CACNB2: variants seen among roughly 807,000 people sequenced by gnomAD.
CACNB2 encodes calcium voltage-gated channel auxiliary subunit beta 2.
Under a neutral mutation model 73.3 loss-of-function variants are expected in CACNB2, and 42 were observed. The observed-to-expected ratio is 0.57, with a 90% CI of 0.45 to 0.74. The LOEUF is 0.74. Ranked by LOEUF, CACNB2 falls within the 30% of genes least tolerant of loss-of-function variation. The pLI, the probability that CACNB2 is intolerant of heterozygous loss-of-function variation, is 0.00. For missense variants in CACNB2, 940 were observed against 853.0 expected (o/e 1.10, Z -1.27); for synonymous variants, 348 against 310.3 (o/e 1.12, Z -1.28).
chr10:18,143,693 G>A (rs2030671940), intron 1 of CACNB2, among the ~76,000 whole-genome samples: 1 of 152,180 alleles, frequency 6.6e-6, no homozygotes, highest in Non-Finnish European at 1.5e-5. Flanking sequence ...TGTTTGGGCA[G>A]AACAGACCAG....
chr10:18,201,467 GT>G (rs1564339412), intron 2 of CACNB2, among the ~76,000 whole-genome samples: 1 of 152,056 alleles, frequency 6.6e-6, no homozygotes, highest in Non-Finnish European at 1.5e-5. Context: ...TAGAGATGGG[GT>G]TTCACCATGT....
In CACNB2 at chr10:18,386,399, A is replaced by ATTTTTTTT. The variant is rs10637329; in HGVS notation, c.214-15511_214-15504dup. ...CTTTACTGTTGCTCTTTTATTTATG[A>ATTTTTTTT]TTTTTTTTTTTTTTTTTTTTTGAGA... On this transcript the variant is annotated intron_variant, in intron 2 of 13. Coordinates refer to ENST00000324631, the MANE Select transcript of CACNB2 (RefSeq NM_201596.3). 2.2e-4 allele frequency among the ~76,000 whole-genome samples: 23 copies of ATTTTTTTT among 106,518 alleles called. 1 individual carries two copies. The highest frequency in any genetic ancestry group is 3.0e-4 in the East Asian group (1 of 3,346). 69.9% of individuals were successfully genotyped at this position (106,518 alleles called of 152,430 possible). A position where few individuals can be genotyped will look rare whatever the true frequency, so the allele number is the denominator to read the frequency against.
chr10:18,367,683 T>G (rs186187888), intron 2 of CACNB2, among the ~76,000 whole-genome samples: 1 of 152,294 alleles, frequency 6.6e-6, no homozygotes, highest in Admixed American at 6.5e-5. Context: ...TCAATACACA[T>G]AGCAAAACAG....
intron 2 of CACNB2, among the ~76,000 whole-genome samples, chr10:18,176,842 C>T (rs2033620046): frequency 6.6e-6 from 1 of 151,746 alleles, no homozygotes; most frequent in Non-Finnish European, 1.5e-5. Context: ...GATAGTAGTT[C>T]ACTGCAGTTC....
At position 18,511,889 on chromosome 10, in the gene CACNB2, C is replaced by T. The variant is rs79850784; in HGVS notation, c.671-2347C>T. 3.1e-3 allele frequency among the ~76,000 whole-genome samples: 475 copies of T among 152,284 alleles called. 3 individuals carry two copies. Among genetic ancestry groups the T allele is most frequent in the African/African-American group, 0.011 (443 of 41,564 alleles). On this transcript the variant is annotated intron_variant, in intron 6 of 13. Coordinates refer to ENST00000324631, the MANE Select transcript of CACNB2 (RefSeq NM_201596.3). ...ATACGGAGGGTTATAGACTCACTTA[C>T]GCAGGAGGAGTAGGTCTGAATCCTG...
At chr10:18,246,806 T>G (rs933974021) in intron 2 of CACNB2, among the ~76,000 whole-genome samples, 5 of 152,092 alleles carry the variant, frequency 3.3e-5, no homozygotes, top group Non-Finnish European at 7.4e-5. Flanking sequence ...GAGACAGGGT[T>G]TCACTATTTT....
intron 2 of CACNB2, 111 bp downstream of exon 2, chr10:18,151,086 T>C: frequency 1.3e-6 from 1 of 778,312 alleles, no homozygotes; most frequent in Non-Finnish European, 2.3e-6. Context: ...TGTACTTACT[T>C]TTAATTGAAG....
At chr10:18,483,798 A>G (rs144116882) in intron 3 of CACNB2, among the ~76,000 whole-genome samples, 167 of 152,344 alleles carry the variant, frequency 1.1e-3, no homozygotes, top group Non-Finnish European at 1.9e-3. Flanking sequence ...TTTGTAGTGT[A>G]TAATTTTCTA....
chr10:18,487,924 T>C (rs1240741466), intron 3 of CACNB2, among the ~76,000 whole-genome samples: 1 of 151,646 alleles, frequency 6.6e-6, no homozygotes, highest in East Asian at 2.0e-4. Flanking sequence ...CAGGAAACAC[T>C]GAAAGGCTGC....
intron 2 of CACNB2, among the ~76,000 whole-genome samples, chr10:18,306,514 G>T (rs2039733894): frequency 6.6e-6 from 1 of 152,108 alleles, no homozygotes; most frequent in African/African-American, 2.4e-5. Flanking sequence ...GGAAAATGAA[G>T]AAGGCAATGT....
chr10:18,398,009 C>T (rs1047684569), intron 2 of CACNB2, among the ~76,000 whole-genome samples: 1 of 152,100 alleles, frequency 6.6e-6, no homozygotes, highest in African/African-American at 2.4e-5. Flanking sequence ...CAGCTAATCA[C>T]GTTGTAAGAG....
At chr10:18,422,357 A>G (rs1464060371) in intron 3 of CACNB2, among the ~76,000 whole-genome samples, 1 of 152,228 alleles carries the variant, frequency 6.6e-6, no homozygotes, top group Non-Finnish European at 1.5e-5. Flanking sequence ...AGGGTAACCT[A>G]CGGATGCCCG....
At chr10:18,378,198 T>C (rs1017231719) in intron 2 of CACNB2, among the ~76,000 whole-genome samples, 1 of 152,184 alleles carries the variant, frequency 6.6e-6, no homozygotes, top group African/African-American at 2.4e-5. Context: ...AATGCACAGC[T>C]TGGAACCTGT....
intron 8 of CACNB2, 106 bp from the exon 9 acceptor site, chr10:18,518,804 A>G (rs1047362191): frequency 1.9e-6 from 2 of 1,029,846 alleles, no homozygotes; most frequent in Non-Finnish European, 3.0e-6. Context: ...CTCTTTCCAG[A>G]TGCAAAGCTC....
At chr10:18,375,380 T>A (rs940630366) in intron 2 of CACNB2, among the ~76,000 whole-genome samples, 2 of 152,190 alleles carry the variant, frequency 1.3e-5, no homozygotes, top group African/African-American at 4.8e-5. Context: ...TGAAGTCTGT[T>A]GTTAAATTCA....
intron 2 of CACNB2, chr10:18,260,670 C>T: frequency 2.0e-6 from 2 of 988,968 alleles, no homozygotes; most frequent in Non-Finnish European, 2.4e-6. Flanking sequence ...ATCAGATATG[C>T]CCAAAACGTT....
chr10:18,168,624 G>T (rs1401125158), intron 2 of CACNB2, among the ~76,000 whole-genome samples: 1 of 152,038 alleles, frequency 6.6e-6, no homozygotes, highest in Non-Finnish European at 1.5e-5. Flanking sequence ...GCTCTCAGGA[G>T]CTAAACATCC....
chr10:18,468,278 C>T (rs191686402), intron 3 of CACNB2, among the ~76,000 whole-genome samples: 6 of 152,082 alleles, frequency 3.9e-5, no homozygotes, highest in African/African-American at 7.2e-5. Flanking sequence ...GGCAACATGG[C>T]GAAAACCCAT....
chr10:18,374,880 A>G (rs2042730812), intron 2 of CACNB2, among the ~76,000 whole-genome samples: 1 of 152,190 alleles, frequency 6.6e-6, no homozygotes, highest in Admixed American at 6.5e-5. Context: ...TAATTTGTCC[A>G]GTAGCCCCTA....
Sources: allele counts gnomAD v4.1 joint callset (sites outside exome capture counted in the v4.1 genomes callset), GRCh38; gene constraint gnomAD v4.1.1; transcripts MANE v1.5; gene names NCBI Gene and HGNC (gene_info 2026-07-23, HGNC 2026-07-21).